The following RBMS1 variants were observed in gnomAD, a reference collection of about 807,000 sequenced individuals.
RBMS1 encodes the protein RNA binding motif single stranded interacting protein 1.
Under a neutral mutation model 62.3 loss-of-function variants are expected in RBMS1, and 17 were observed. That is an observed-to-expected ratio of 0.27 (90% confidence interval 0.19 to 0.41). RBMS1 has a LOEUF of 0.41. Among genes scored for constraint, RBMS1 ranks in the 10% least tolerant of loss-of-function variants. The pLI, the probability that RBMS1 is intolerant of heterozygous loss-of-function variation, is 1.00. For missense variants in RBMS1, 334 were observed against 504.5 expected (o/e 0.66, Z 3.24); for synonymous variants, 172 against 170.0 (o/e 1.01, Z -0.09).
intron 1 of RBMS1, among the ~76,000 whole-genome samples, chr2:160,484,666 TCGAGAC>T (rs1270821099): frequency 2.6e-5 from 4 of 150,988 alleles, no homozygotes; most frequent in Non-Finnish European, 4.4e-5. Context: ...GGTCAGGAGA[TCGAGAC>T]CATCCTGGCT....
intron 2 of RBMS1, among the ~76,000 whole-genome samples, chr2:160,359,681 G>A (rs1338870595): frequency 6.6e-6 from 1 of 152,130 alleles, no homozygotes; most frequent in Non-Finnish European, 1.5e-5. Context: ...TCATAATAGG[G>A]TAAAAGCTGA....
At chr2:160,448,897 T>G (rs1391351819) in intron 1 of RBMS1, among the ~76,000 whole-genome samples, 1 of 150,456 alleles carries the variant, frequency 6.6e-6, no homozygotes, top group Non-Finnish European at 1.5e-5. Flanking sequence ...GGAGCGCCTC[T>G]GCCCCGCCAC....
chr2:160,413,743 TTGAG>T (rs1386971364), intron 1 of RBMS1, among the ~76,000 whole-genome samples: 5 of 152,228 alleles, frequency 3.3e-5, no homozygotes, highest in Non-Finnish European at 7.3e-5. Flanking sequence ...CTGTCATTTA[TTGAG>T]TAACTAACTA....
chr2:160,351,540 T>C (rs997851340), intron 2 of RBMS1, among the ~76,000 whole-genome samples: 17 of 152,098 alleles, frequency 1.1e-4, no homozygotes, highest in South Asian at 4.1e-4. Flanking sequence ...CCAAAGTAAA[T>C]TCCTACCAAG....
intron 2 of RBMS1, among the ~76,000 whole-genome samples, chr2:160,350,798 G>C (rs542757803): frequency 6.6e-6 from 1 of 152,108 alleles, no homozygotes; most frequent in Admixed American, 6.6e-5. Context: ...ATTGTGAATA[G>C]TGCTGCAATA....
intron 2 of RBMS1, chr2:160,367,006 A>G (rs918684155): frequency 2.6e-5 from 10 of 387,128 alleles, no homozygotes; most frequent in Non-Finnish European, 4.5e-5. Flanking sequence ...AAATGCTCCA[A>G]TTCATTTTGA....
intron 1 of RBMS1, among the ~76,000 whole-genome samples, chr2:160,466,484 A>G (rs1036065964): frequency 3.9e-5 from 6 of 152,176 alleles, no homozygotes; most frequent in Non-Finnish European, 8.8e-5. Context: ...AAATTTGAGA[A>G]TTGGAACAGT....
At chr2:160,478,276 G>A (rs1217765586) in intron 1 of RBMS1, among the ~76,000 whole-genome samples, 1 of 152,078 alleles carries the variant, frequency 6.6e-6, no homozygotes, top group Non-Finnish European at 1.5e-5. Context: ...ACACACTTAT[G>A]GGAAGAAAAG....
chr2:160,293,581 C>T (rs1361254465), intron 6 of RBMS1, among the ~76,000 whole-genome samples: 1 of 152,154 alleles, frequency 6.6e-6, no homozygotes, highest in Non-Finnish European at 1.5e-5. Context: ...ATTCACACTC[C>T]ATTAATGTCA....
Position 160,324,393 on chromosome 2 carries a change from TAA to T in RBMS1, c.252-6168_252-6167del, listed in dbSNP as rs764981538. ...ACCAACAGATGGCGACAATGGTTGT[TAA>T]GTTATTTTAATATTGGTCATTTCAG... is the stretch of plus-strand genomic sequence containing the variant. On this transcript the variant is annotated intron_variant, in intron 2 of 13. Coordinates refer to ENST00000348849, the MANE Select transcript of RBMS1 (RefSeq NM_016836.4). 7.8e-4 allele frequency among the ~76,000 whole-genome samples: 118 copies of T among 152,206 alleles called. 1 individual carries two copies. The highest frequency in any genetic ancestry group is 5.9e-4 in the Admixed American group (9 of 15,282).
At chr2:160,285,148 T>A (rs1688310762) in intron 7 of RBMS1, 104 bp from the exon 8 acceptor site, 3 of 1,118,638 alleles carry the variant, frequency 2.7e-6, no homozygotes, top group Non-Finnish European at 4.0e-6. Context: ...TCCCAGCTGC[T>A]GGGGAGGCTG....
intron 1 of RBMS1, among the ~76,000 whole-genome samples, chr2:160,408,184 C>G (rs561792912): frequency 1.4e-4 from 21 of 152,058 alleles, no homozygotes; most frequent in African/African-American, 5.1e-4. Flanking sequence ...TTTTCCCCCT[C>G]GGTTCTTTCC....
intron 1 of RBMS1, among the ~76,000 whole-genome samples, chr2:160,377,090 GTTTT>G (rs138453540): frequency 4.6e-4 from 68 of 148,344 alleles, no homozygotes; most frequent in Middle Eastern, 6.9e-3. Flanking sequence ...GGCTTGCTGG[GTTTT>G]TTTTTTAACA....
At chr2:160,473,502 G>T (rs1685007819) in intron 1 of RBMS1, among the ~76,000 whole-genome samples, 1 of 152,100 alleles carries the variant, frequency 6.6e-6, no homozygotes, top group Non-Finnish European at 1.5e-5. Flanking sequence ...CTATGATTAA[G>T]GAGGAAGGAA....
intron 1 of RBMS1, among the ~76,000 whole-genome samples, chr2:160,448,485 G>A (rs541968992): frequency 1.3e-5 from 2 of 152,350 alleles, no homozygotes; most frequent in South Asian, 2.1e-4. Flanking sequence ...TGATGGAGAC[G>A]GGGTTTCCCC....
intron 1 of RBMS1, among the ~76,000 whole-genome samples, chr2:160,449,109 T>A (rs544234855): frequency 5.4e-4 from 81 of 150,890 alleles, no homozygotes; most frequent in Admixed American, 3.1e-3. Flanking sequence ...AGCCGCCCCG[T>A]CTGGGAAGTG....
At chr2:160,375,908 A>AT (rs1553517063) in intron 1 of RBMS1, among the ~76,000 whole-genome samples, 1 of 151,832 alleles carries the variant, frequency 6.6e-6, no homozygotes, top group African/African-American at 2.4e-5. Context: ...AAAAAAAAAA[A>AT]AAAGAAAGAA....
At position 160,439,412 on chromosome 2, in the gene RBMS1, G is replaced by A. The variant is rs548251154; in HGVS notation, c.75+53877C>T. On this transcript the variant is annotated intron_variant, in intron 1 of 13. Coordinates refer to ENST00000348849, the MANE Select transcript of RBMS1 (RefSeq NM_016836.4). ...CGGGCAGAGACGCCCCTCACATCCC[G>A]GACGGGGCGGCAGGGCAGAGGTGCT... Among the ~76,000 whole-genome samples, 192 of 151,224 alleles carry A rather than the reference G, an allele frequency of 1.3e-3. 1 individual carries two copies. Among genetic ancestry groups the A allele is most frequent in the African/African-American group, 4.3e-3 (175 of 41,152 alleles).
chr2:160,342,862 C>T (rs1380800858), intron 2 of RBMS1, among the ~76,000 whole-genome samples: 6 of 152,046 alleles, frequency 3.9e-5, no homozygotes, highest in South Asian at 2.1e-4. Flanking sequence ...CATTTGAACC[C>T]GGAAAGCGGA....
Sources: gnomAD v4.1 joint callset for allele counts (sites outside exome capture counted in the v4.1 genomes callset) on GRCh38, gnomAD v4.1.1 for gene constraint, MANE v1.5 for transcripts, NCBI Gene and HGNC (gene_info 2026-07-23, HGNC 2026-07-21) for gene names.